SBF2: variants seen among roughly 807,000 people sequenced by gnomAD.
SBF2 encodes myotubularin-related protein 13.
SBF2 carries 112 observed loss-of-function variants against 225.2 expected under a neutral mutation model. That is an observed-to-expected ratio of 0.50 (90% CI 0.43 to 0.58). The LOEUF (loss-of-function observed/expected upper bound fraction) is 0.58, where lower values mean the gene tolerates loss of function less well. Among genes scored for constraint, SBF2 ranks in the 20% least tolerant of loss-of-function variants. SBF2 has a pLI of 0.00. For synonymous variants in SBF2, 763 were observed against 773.3 expected (o/e 0.99, Z 0.22); for missense variants, 1,996 against 2,206.2 (o/e 0.90, Z 1.91).
At chr11:9,929,721 AC>A (rs1864344099) in intron 16 of SBF2, among the ~76,000 whole-genome samples, 1 of 152,066 alleles carries the variant, frequency 6.6e-6, no homozygotes, top group Non-Finnish European at 1.5e-5. Context: ...TATGCACCCA[AC>A]CCCTGGTCAA....
At chr11:9,974,960 CAAAAAA>C (rs1166081188) in intron 13 of SBF2, among the ~76,000 whole-genome samples, 678 of 23,148 alleles carry the variant, frequency 0.029, 15 homozygotes, top group African/African-American at 0.073. Context: ...AACTTTGACT[CAAAAAA>C]AAAAAAAAAA....
rs144059195 is a variant in SBF2, at chr11:9,919,792, C to T, written c.1861-23781G>A. Among the ~76,000 whole-genome samples the T allele has an allele frequency of 4.9e-3, 738 of 152,134 alleles. 2 individuals are homozygous for T. The highest frequency in any genetic ancestry group is 8.3e-3 in the Admixed American group (127 of 15,250). ...CATAAGACAATATGAGGGGTGGTCT[C>T]CTCCCTTAGGCTCACTACAACCTCC... is the stretch of plus-strand genomic sequence containing the variant. On this transcript the variant is annotated intron_variant, in intron 16 of 39. Transcript: ENST00000256190.
chr11:9,840,189 G>A (rs529395014), intron 25 of SBF2, among the ~76,000 whole-genome samples: 3 of 150,876 alleles, frequency 2.0e-5, no homozygotes, highest in Non-Finnish European at 4.4e-5. Flanking sequence ...AGCTGAGACC[G>A]TGCCACTGCA....
chr11:10,229,966 C>T (rs974497204), intron 1 of SBF2, among the ~76,000 whole-genome samples: 2 of 152,096 alleles, frequency 1.3e-5, no homozygotes, highest in African/African-American at 2.4e-5. Flanking sequence ...TTGTAGGTCA[C>T]TAAGGACTTG....
intron 3 of SBF2, among the ~76,000 whole-genome samples, chr11:10,042,074 C>A (rs1949676701): frequency 6.6e-6 from 1 of 152,268 alleles, no homozygotes; most frequent in African/African-American, 2.4e-5. Context: ...TGAATATCTG[C>A]AGGAGAATGG....
At chr11:10,109,187 G>A (rs1034473252) in intron 2 of SBF2, among the ~76,000 whole-genome samples, 1 of 149,976 alleles carries the variant, frequency 6.7e-6, no homozygotes. Context: ...AGGTATGTGT[G>A]TATATATATA....
intron 2 of SBF2, among the ~76,000 whole-genome samples, chr11:10,050,089 T>C (rs994948909): frequency 2.6e-5 from 4 of 152,190 alleles, no homozygotes; most frequent in African/African-American, 9.6e-5. Context: ...TAGAAGTCTG[T>C]CATTCATATC....
chr11:9,901,791 T>C (rs1420600905), intron 16 of SBF2, among the ~76,000 whole-genome samples: 1 of 152,124 alleles, frequency 6.6e-6, no homozygotes, highest in Non-Finnish European at 1.5e-5. Flanking sequence ...AATACAGGCA[T>C]GTGCTACCAC....
chr11:10,271,902 T>C, intron 1 of SBF2: 1 of 403,592 alleles, frequency 2.5e-6, no homozygotes, highest in Non-Finnish European at 4.5e-6. Context: ...TAGAAACTCA[T>C]GAATATCTGT....
At chr11:10,119,464 A>G (rs1953326859) in intron 2 of SBF2, among the ~76,000 whole-genome samples, 1 of 152,228 alleles carries the variant, frequency 6.6e-6, no homozygotes, top group Non-Finnish European at 1.5e-5. Flanking sequence ...TAAGTTAAAT[A>G]AATGTTCATT....
chr11:9,811,213 G>A (rs1854161483), intron 30 of SBF2: 2 of 152,180 alleles, frequency 1.3e-5, no homozygotes, highest in South Asian at 4.1e-4. Flanking sequence ...AGGAGGGTGA[G>A]GATAGAAAAA....
chr11:10,035,053 C>T (rs1388782858), intron 3 of SBF2, among the ~76,000 whole-genome samples: 1 of 152,154 alleles, frequency 6.6e-6, no homozygotes. Context: ...CAAGCTCCAC[C>T]TCCTGGGTTC....
intron 17 of SBF2, among the ~76,000 whole-genome samples, chr11:9,880,116 T>C (rs56207687): frequency 0.27 from 33,853 of 126,530 alleles, 6,320 homozygotes; most frequent in African/African-American, 0.47. Flanking sequence ...AAAAAAGATC[T>C]CAGGATGAGC....
chr11:9,922,172 G>C (rs962923258), intron 16 of SBF2, among the ~76,000 whole-genome samples: 1 of 152,102 alleles, frequency 6.6e-6, no homozygotes, highest in Non-Finnish European at 1.5e-5. Context: ...GTTGAGCCCA[G>C]GAGATGGAGG....
intron 16 of SBF2, chr11:9,959,916 T>C: frequency 3.0e-6 from 1 of 335,128 alleles, no homozygotes; most frequent in Non-Finnish European, 5.8e-6. Context: ...CGGCTCTGCC[T>C]TTTAAGATAC....
At chr11:9,935,916 A>G (rs1017838289) in intron 16 of SBF2, among the ~76,000 whole-genome samples, 1 of 152,218 alleles carries the variant, frequency 6.6e-6, no homozygotes, top group African/African-American at 2.4e-5. Context: ...TCATGACTAA[A>G]ACACCAAAAG....
At chr11:9,794,412 C>T (rs558706120) in intron 33 of SBF2, among the ~76,000 whole-genome samples, 17 of 150,624 alleles carry the variant, frequency 1.1e-4, no homozygotes, top group Non-Finnish European at 1.9e-4. Flanking sequence ...TGGTGGCTCA[C>T]GCCTGTAATC....
At chr11:10,024,839 A>G (rs1332147748) in intron 6 of SBF2, among the ~76,000 whole-genome samples, 1 of 152,170 alleles carries the variant, frequency 6.6e-6, no homozygotes, top group Non-Finnish European at 1.5e-5. Flanking sequence ...CTTGACTAGA[A>G]TCTGGAATTG....
chr11:10,061,400 C>T (rs996901840), intron 2 of SBF2, among the ~76,000 whole-genome samples: 7 of 152,160 alleles, frequency 4.6e-5, no homozygotes, highest in Non-Finnish European at 8.8e-5. Context: ...GGAAGTCAAA[C>T]TATATCTGTT....
Sources: allele counts gnomAD v4.1 joint callset (sites outside exome capture counted in the v4.1 genomes callset), GRCh38; gene constraint gnomAD v4.1.1; transcripts MANE v1.5; gene names NCBI Gene and HGNC (gene_info 2026-07-23, HGNC 2026-07-21).